Variants in TLN2 observed in about 807,000 individuals in gnomAD.
TLN2 encodes the protein talin-2.
In TLN2, 118 loss-of-function variants were observed where a neutral mutation model predicts 294.7. The ratio of observed to expected loss-of-function variants is 0.40; its 90% confidence interval spans 0.34 to 0.47. The LOEUF (loss-of-function observed/expected upper bound fraction) is 0.47, where lower values mean the gene tolerates loss of function less well. Among genes scored for constraint, TLN2 ranks in the 20% least tolerant of loss-of-function variants. TLN2 has a pLI of 0.84. For synonymous variants in TLN2, 1,431 were observed against 1,304.5 expected, an observed-to-expected ratio of 1.10 and a Z score of -2.09; for missense variants, 3,083 against 3,282.2, an observed-to-expected ratio of 0.94 and a Z score of 1.48.
At chr15:62,695,498 T>C (rs2058263209) in intron 14 of TLN2, among the ~76,000 whole-genome samples, 1 of 152,184 alleles carries the variant, frequency 6.6e-6, no homozygotes, top group African/African-American at 2.4e-5. Context: ...TTAGTTGAGA[T>C]ACACATATGT....
chr15:62,716,831 G>C (rs1442969581), intron 23 of TLN2, among the ~76,000 whole-genome samples: 1 of 152,188 alleles, frequency 6.6e-6, no homozygotes, highest in African/African-American at 2.4e-5. Flanking sequence ...ACTGGAGGTG[G>C]AGATTAGGCT....
At chr15:62,461,708 A>G (rs1045885683) in intron 1 of TLN2, among the ~76,000 whole-genome samples, 2 of 152,196 alleles carry the variant, frequency 1.3e-5, no homozygotes, top group African/African-American at 4.8e-5. Flanking sequence ...AAGAGTCGAC[A>G]TTTCAGCGAG....
intron 1 of TLN2, among the ~76,000 whole-genome samples, chr15:62,470,035 A>T (rs1025186718): frequency 1.3e-5 from 2 of 152,202 alleles, no homozygotes; most frequent in African/African-American, 4.8e-5. Flanking sequence ...ATAGCTTTAT[A>T]GGGAAACCAT....
chr15:62,759,452 A>C (rs751998758), intron 37 of TLN2, among the ~76,000 whole-genome samples: 5 of 148,766 alleles, frequency 3.4e-5, no homozygotes, highest in South Asian at 2.1e-4. Flanking sequence ...ACAAACAAAC[A>C]AACCCTGTCT....
chr15:62,526,878 G>A (rs1000159457), intron 1 of TLN2, among the ~76,000 whole-genome samples: 2 of 152,182 alleles, frequency 1.3e-5, no homozygotes, highest in African/African-American at 4.8e-5. Flanking sequence ...TACTTGGAAA[G>A]TGAAGTACTA....
intron 1 of TLN2, among the ~76,000 whole-genome samples, chr15:62,406,714 A>G (rs2033430129): frequency 6.6e-6 from 1 of 152,092 alleles, no homozygotes; most frequent in Non-Finnish European, 1.5e-5. Context: ...GTCCAACTGA[A>G]AGTTGCTTTC....
chr15:62,458,411 G>A (rs1384443584), intron 1 of TLN2, among the ~76,000 whole-genome samples: 2 of 152,060 alleles, frequency 1.3e-5, no homozygotes, highest in African/African-American at 2.4e-5. Flanking sequence ...TCTGAGCTGG[G>A]CTTAATGAGA....
intron 1 of TLN2, among the ~76,000 whole-genome samples, chr15:62,509,645 C>T (rs561299547): frequency 2.0e-5 from 3 of 152,272 alleles, no homozygotes; most frequent in East Asian, 3.9e-4. Flanking sequence ...GTCCTCTGGT[C>T]CCCTCCTTGT....
In TLN2 at chr15:62,669,999, G is replaced by A. The variant is rs139460246; in HGVS notation, c.789-3828G>A. Among the ~76,000 whole-genome samples, 1,212 of 152,232 alleles carry A rather than the reference G, an allele frequency of 8.0e-3. 6 individuals are homozygous for A. Among genetic ancestry groups the A allele is most frequent in the South Asian group, 0.013 (61 of 4,814 alleles). On this transcript the variant is annotated intron_variant, in intron 9 of 58. Coordinates refer to ENST00000636159, the MANE Select transcript of TLN2 (RefSeq NM_015059.3). ...TGAAGACTGCATAGGAGGCAGATTC[G>A]GATGGGCTGGTTTGGCGGAGTTTGA...
chr15:62,560,855 T>C (rs1471418426), intron 1 of TLN2, among the ~76,000 whole-genome samples: 2 of 152,146 alleles, frequency 1.3e-5, no homozygotes, highest in Non-Finnish European at 2.9e-5. Flanking sequence ...TTTCCACTCA[T>C]CGAGTGTGCA....
chr15:62,460,543 G>A (rs2036742217), intron 1 of TLN2, among the ~76,000 whole-genome samples: 1 of 152,176 alleles, frequency 6.6e-6, no homozygotes, highest in Non-Finnish European at 1.5e-5. Context: ...GATTACAGGT[G>A]TGAGCCACCG....
intron 1 of TLN2, among the ~76,000 whole-genome samples, chr15:62,518,585 A>C (rs2040300874): frequency 6.6e-6 from 1 of 151,934 alleles, no homozygotes; most frequent in Admixed American, 6.6e-5. Flanking sequence ...GAGAGCCGTG[A>C]CCTGCAATGT....
intron 42 of TLN2, among the ~76,000 whole-genome samples, chr15:62,771,665 C>A (rs998473386): frequency 6.6e-6 from 1 of 152,180 alleles, no homozygotes; most frequent in African/African-American, 2.4e-5. Flanking sequence ...AACTTGGGAA[C>A]TGAAGAAGAG....
intron 43 of TLN2, among the ~76,000 whole-genome samples, chr15:62,778,191 G>A (rs2063852173): frequency 6.6e-6 from 1 of 152,202 alleles, no homozygotes; most frequent in African/African-American, 2.4e-5. Flanking sequence ...AACAAGCCCA[G>A]GGTGGAATGC....
intron 2 of TLN2, among the ~76,000 whole-genome samples, chr15:62,607,349 C>T (rs1289610875): frequency 6.6e-6 from 1 of 152,174 alleles, no homozygotes; most frequent in Non-Finnish European, 1.5e-5. Flanking sequence ...CACCTCCCTT[C>T]TTAATTAGAT....
At position 62,767,406 on chromosome 15, in the gene TLN2, A is replaced by T. The variant is rs763996198; in HGVS notation, c.5196+984A>T. On this transcript the variant is annotated intron_variant, in intron 41 of 58. Coordinates refer to ENST00000636159, the MANE Select transcript of TLN2 (RefSeq NM_015059.3). Reference sequence around the variant, plus strand: ...GCCCAGGCTGGAGTGCAGTGGTGTGATCTCAGCTTACCACAACCTCCGCCT... The same window carrying T: ...GCCCAGGCTGGAGTGCAGTGGTGTGTTCTCAGCTTACCACAACCTCCGCCT... Among the ~76,000 whole-genome samples, 125 of 150,646 alleles carry T rather than the reference A, an allele frequency of 8.3e-4. 1 individual carries two copies. Among genetic ancestry groups the T allele is most frequent in the Admixed American group, 6.0e-4 (9 of 15,124 alleles).
At chr15:62,486,962 T>TC (rs1005114942) in intron 1 of TLN2, among the ~76,000 whole-genome samples, 1 of 152,196 alleles carries the variant, frequency 6.6e-6, no homozygotes, top group African/African-American at 2.4e-5. Context: ...ACACCGTTAA[T>TC]CTCTGCCCTT....
intron 1 of TLN2, among the ~76,000 whole-genome samples, chr15:62,516,554 A>C (rs957080741): frequency 7.9e-5 from 12 of 152,164 alleles, no homozygotes; most frequent in African/African-American, 2.9e-4. Context: ...AATTATCTCA[A>C]ATCTTTTGAT....
At chr15:62,475,275 A>T (rs911017132) in intron 1 of TLN2, among the ~76,000 whole-genome samples, 2 of 152,176 alleles carry the variant, frequency 1.3e-5, no homozygotes, top group African/African-American at 4.8e-5. Flanking sequence ...GGGGACATTA[A>T]TTTTCAGTTC....
Sources: gnomAD v4.1 joint callset for allele counts (sites outside exome capture counted in the v4.1 genomes callset) on GRCh38, gnomAD v4.1.1 for gene constraint, MANE v1.5 for transcripts, NCBI Gene and HGNC (gene_info 2026-07-23, HGNC 2026-07-21) for gene names.